The following GABRA3 variants were observed in gnomAD, a reference collection of about 807,000 sequenced individuals.
GABRA3 encodes the protein gamma-aminobutyric acid type A receptor subunit alpha3.
Under a neutral mutation model 30.1 loss-of-function variants are expected in GABRA3, and 10 were observed. That is an observed-to-expected ratio of 0.33 (90% confidence interval 0.20 to 0.56). The LOEUF (loss-of-function observed/expected upper bound fraction) is 0.56, where lower values mean the gene tolerates loss of function less well. GABRA3 is among the 20% of genes least tolerant of loss of function. The pLI is 0.89. For synonymous variants in GABRA3, 151 were observed against 146.8 expected (o/e 1.03, Z -0.21); for missense variants, 233 against 392.0 (o/e 0.59, Z 3.42).
At chrX:152,306,828 T>C (rs1045222494) in intron 3 of GABRA3, among the ~76,000 whole-genome samples, 1 of 111,896 alleles carries the variant, frequency 8.9e-6, no homozygotes, top group African/African-American at 3.2e-5. Flanking sequence ...ATCTGCTCTT[T>C]TAATTTTCGG....
At chrX:152,414,427 G>A (rs1053442382) in intron 1 of GABRA3, among the ~76,000 whole-genome samples, 4 of 111,158 alleles carry the variant, frequency 3.6e-5, no homozygotes, top group Non-Finnish European at 5.7e-5. Context: ...ACAAGCATAC[G>A]ATAAGATTCT....
intron 3 of GABRA3, among the ~76,000 whole-genome samples, chrX:152,303,827 G>A: frequency 9.1e-6 from 1 of 110,348 alleles, no homozygotes; most frequent in Non-Finnish European, 1.9e-5. Context: ...GGGGGCCAAC[G>A]GGGGGAGAGC....
intron 3 of GABRA3, among the ~76,000 whole-genome samples, chrX:152,324,571 C>T (rs1364247914): frequency 9.0e-6 from 1 of 111,323 alleles, no homozygotes; most frequent in Non-Finnish European, 1.9e-5. Flanking sequence ...TAAAATATAT[C>T]CAAAGATTTT....
intron 1 of GABRA3, among the ~76,000 whole-genome samples, chrX:152,440,621 C>T (rs141819516): frequency 6.9e-4 from 77 of 112,194 alleles, no homozygotes; most frequent in African/African-American, 2.3e-3. Flanking sequence ...CCCAAATGTC[C>T]GTCAGTGATA....
intron 8 of GABRA3, among the ~76,000 whole-genome samples, chrX:152,190,273 G>C (rs374413299): frequency 9.1e-6 from 1 of 109,600 alleles, no homozygotes; most frequent in Non-Finnish European, 1.9e-5. Context: ...AAAAAAACTA[G>C]CTCACGAACT....
chrX:152,287,451 T>C (rs1939317638), intron 3 of GABRA3, among the ~76,000 whole-genome samples: 1 of 111,122 alleles, frequency 9.0e-6, no homozygotes, highest in African/African-American at 3.3e-5. Flanking sequence ...GATGGTTTTA[T>C]AAGTGTCTGG....
intron 1 of GABRA3, among the ~76,000 whole-genome samples, chrX:152,424,621 C>T (rs1401479591): frequency 1.8e-5 from 2 of 111,216 alleles, no homozygotes; most frequent in Non-Finnish European, 3.8e-5. Context: ...CATTGTACAT[C>T]TAAATGATGT....
intron 1 of GABRA3, among the ~76,000 whole-genome samples, chrX:152,431,284 C>A (rs1930645364): frequency 9.0e-6 from 1 of 110,899 alleles, no homozygotes; most frequent in African/African-American, 3.3e-5. Context: ...AGAAGCCAGT[C>A]CAAATTTTAA....
chrX:152,390,223 C>T (rs1372096851), intron 1 of GABRA3, among the ~76,000 whole-genome samples: 1 of 111,676 alleles, frequency 9.0e-6, no homozygotes, highest in Non-Finnish European at 1.9e-5. Flanking sequence ...TCAAAGTCAT[C>T]AATCAGATAA....
intron 9 of GABRA3, among the ~76,000 whole-genome samples, chrX:152,186,184 C>A (rs1937250726): frequency 1.8e-5 from 2 of 110,283 alleles, no homozygotes; most frequent in South Asian, 7.8e-4. Context: ...GTCTGTCAGT[C>A]CATCAGTCAA....
In GABRA3 at chrX:152,296,464, A is replaced by G. The variant is rs183917246; in HGVS notation, c.263-11729T>C. 3.6e-5 allele frequency among the ~76,000 whole-genome samples: 4 copies of G among 111,711 alleles called. No homozygotes were observed. In the East Asian group the frequency reaches 8.5e-4, roughly 24 times the overall value. On this transcript the variant is annotated intron_variant, in intron 3 of 9. Transcript: ENST00000370314. ...GATAAACACTCTGGAAGAATCATAAACAGGTTGCTTACGGAAGCAGAAATT... is the reference window on the plus strand; with the variant it reads ...GATAAACACTCTGGAAGAATCATAAGCAGGTTGCTTACGGAAGCAGAAATT...
intron 1 of GABRA3, among the ~76,000 whole-genome samples, chrX:152,436,467 G>A (rs145229569): frequency 9.0e-6 from 1 of 111,386 alleles, no homozygotes; most frequent in Non-Finnish European, 1.9e-5. Context: ...TCCCTGGGGG[G>A]AATATTGCCC....
intron 3 of GABRA3, among the ~76,000 whole-genome samples, chrX:152,334,713 A>C (rs1940208540): frequency 9.0e-6 from 1 of 111,301 alleles, no homozygotes; most frequent in Non-Finnish European, 1.9e-5. Flanking sequence ...TTTTGAAACA[A>C]CGAAATAAAG....
intron 3 of GABRA3, among the ~76,000 whole-genome samples, chrX:152,315,033 G>C (rs958938261): frequency 9.0e-6 from 1 of 111,407 alleles, no homozygotes; most frequent in Non-Finnish European, 1.9e-5. Context: ...CGGGCAGACA[G>C]AGCAGCATGT....
At chrX:152,413,849 GTC>G in intron 1 of GABRA3, among the ~76,000 whole-genome samples, 1 of 110,136 alleles carries the variant, frequency 9.1e-6, no homozygotes, top group South Asian at 3.8e-4. Flanking sequence ...ACTTTAAACT[GTC>G]TCTGTTTGCA....
At position 152,286,254 on chromosome X, in the gene GABRA3, T is replaced by C. The variant is rs1340434085; in HGVS notation, c.263-1519A>G. ...GTTTTTCCACTACTGAGTTTTTCTTTTCCTGCTTCTGTCAGCCCTACTTAC... is the reference window on the plus strand; with the variant it reads ...GTTTTTCCACTACTGAGTTTTTCTTCTCCTGCTTCTGTCAGCCCTACTTAC... On this transcript the variant is annotated intron_variant, in intron 3 of 9. Coordinates refer to ENST00000370314, the MANE Select transcript of GABRA3 (RefSeq NM_000808.4). 1.4e-4 allele frequency among the ~76,000 whole-genome samples: 15 copies of C among 107,628 alleles called. 1 individual carries two copies. The highest frequency in any genetic ancestry group is 7.1e-4 in the Admixed American group (7 of 9,809). 93.5% of individuals were successfully genotyped at this position (107,628 alleles called of 115,157 possible).
chrX:152,177,718 A>G (rs751083857), intron 9 of GABRA3, among the ~76,000 whole-genome samples: 1 of 112,235 alleles, frequency 8.9e-6, no homozygotes, highest in East Asian at 2.8e-4. Flanking sequence ...AATAGGCTCA[A>G]TTCCAGTTTA....
intron 3 of GABRA3, among the ~76,000 whole-genome samples, chrX:152,329,440 C>T (rs181154008): frequency 8.9e-6 from 1 of 111,943 alleles, no homozygotes; most frequent in East Asian, 2.8e-4. Context: ...TACCCGACTT[C>T]AAATTATACT....
At chrX:152,331,151 G>A (rs974578443) in intron 3 of GABRA3, among the ~76,000 whole-genome samples, 1 of 101,772 alleles carries the variant, frequency 9.8e-6, no homozygotes, top group Non-Finnish European at 2.0e-5. Flanking sequence ...CAAATTTCCA[G>A]AGGCTCATCA....
Sources: gnomAD v4.1 joint callset for allele counts (sites outside exome capture counted in the v4.1 genomes callset) on GRCh38, gnomAD v4.1.1 for gene constraint, MANE v1.5 for transcripts, NCBI Gene and HGNC (gene_info 2026-07-23, HGNC 2026-07-21) for gene names.